MGAT4C: variants seen among roughly 807,000 people sequenced by gnomAD.
MGAT4C encodes alpha-1,3-mannosyl-glycoprotein 4-beta-N-acetylglucosaminyltransferase C.
Under a neutral mutation model 40.1 loss-of-function variants are expected in MGAT4C, and 19 were observed. The observed-to-expected ratio is 0.47, with a 90% CI of 0.33 to 0.70. The LOEUF is 0.70. MGAT4C is among the 30% of genes least tolerant of loss of function. The pLI is 0.02. For missense variants in MGAT4C, 491 were observed against 563.2 expected (o/e 0.87, Z 1.30); for synonymous variants, 181 against 187.1 (o/e 0.97, Z 0.27).
intron 2 of MGAT4C, among the ~76,000 whole-genome samples, chr12:86,499,942 C>T (rs1412034180): frequency 1.3e-5 from 2 of 151,760 alleles, no homozygotes; most frequent in East Asian, 3.9e-4. Context: ...CTTCTTTTTG[C>T]CCATCAAGAG....
At chr12:86,039,989 G>T (rs1004735082) in intron 2 of MGAT4C, among the ~76,000 whole-genome samples, 12 of 152,154 alleles carry the variant, frequency 7.9e-5, no homozygotes, top group African/African-American at 2.9e-4. Context: ...TCCTTCTGCT[G>T]CAGATCTGCT....
chr12:86,753,234 G>A (rs543691142), intron 1 of MGAT4C, among the ~76,000 whole-genome samples: 211 of 152,158 alleles, frequency 1.4e-3, no homozygotes, highest in African/African-American at 4.8e-3. Context: ...ACAGGAATGA[G>A]GGCAAGGAAC....
intron 2 of MGAT4C, among the ~76,000 whole-genome samples, chr12:86,520,603 A>C (rs751801259): frequency 1.3e-5 from 2 of 152,110 alleles, no homozygotes; most frequent in Non-Finnish European, 2.9e-5. Context: ...TAATTGGATT[A>C]CTAAGTGGAA....
chr12:86,028,393 T>G (rs571931782), intron 2 of MGAT4C, among the ~76,000 whole-genome samples: 3 of 152,014 alleles, frequency 2.0e-5, no homozygotes, highest in African/African-American at 7.2e-5. Flanking sequence ...CTCCTATAGG[T>G]AAGAAGTGAT....
intron 1 of MGAT4C, among the ~76,000 whole-genome samples, chr12:86,074,009 G>A (rs959446654): frequency 1.1e-4 from 16 of 152,004 alleles, no homozygotes; most frequent in Non-Finnish European, 2.2e-4. Flanking sequence ...GAATTTTCAT[G>A]TGTCATGGGA....
At chr12:86,285,709 G>C (rs955072771) in intron 4 of MGAT4C, among the ~76,000 whole-genome samples, 1 of 151,886 alleles carries the variant, frequency 6.6e-6, no homozygotes, top group Non-Finnish European at 1.5e-5. Flanking sequence ...TGTCTTTAGA[G>C]ATGTATGTAA....
At chr12:86,305,829 G>T (rs947239560) in intron 4 of MGAT4C, among the ~76,000 whole-genome samples, 6 of 150,314 alleles carry the variant, frequency 4.0e-5, no homozygotes, top group African/African-American at 1.3e-4. Flanking sequence ...TTTTATTGTT[G>T]TTGTTTTTTA....
At position 86,381,834 on chromosome 12, in the gene MGAT4C, C is replaced by T. The variant is rs900920494; in HGVS notation, c.-119-47707G>A. 4.6e-5 allele frequency among the ~76,000 whole-genome samples: 7 copies of T among 152,002 alleles called. 1 individual carries two copies. The highest frequency in any genetic ancestry group is 1.2e-4 in the African/African-American group (5 of 41,368). ...GGGCAGGTCTTTCCTGTGCTGTTCTCGTAATAGTGAATAAGTCTCATGAGA... is the reference window on the plus strand; with the variant it reads ...GGGCAGGTCTTTCCTGTGCTGTTCTTGTAATAGTGAATAAGTCTCATGAGA... On this transcript the variant is annotated intron_variant, in intron 3 of 7. Transcript: ENST00000548651.
intron 3 of MGAT4C, among the ~76,000 whole-genome samples, chr12:86,363,714 C>T (rs1200613558): frequency 6.6e-6 from 1 of 151,612 alleles, no homozygotes; most frequent in East Asian, 1.9e-4. Context: ...ATTGAAAAAC[C>T]TTTTTCCAGA....
intron 3 of MGAT4C, among the ~76,000 whole-genome samples, chr12:86,346,551 A>G (rs1201284605): frequency 6.6e-6 from 1 of 152,104 alleles, no homozygotes; most frequent in Non-Finnish European, 1.5e-5. Context: ...AAGTTAACAA[A>G]CCACAATTTG....
chr12:86,451,604 A>G (rs1018823646), intron 2 of MGAT4C, among the ~76,000 whole-genome samples: 3 of 151,998 alleles, frequency 2.0e-5, no homozygotes, highest in African/African-American at 7.3e-5. Flanking sequence ...AGATTTGAAA[A>G]ATTATTCACA....
intron 4 of MGAT4C, 127 bp downstream of exon 4, chr12:85,983,396 A>G: frequency 2.3e-6 from 2 of 875,938 alleles, no homozygotes; most frequent in East Asian, 3.1e-5. Context: ...GAAACATTGA[A>G]GTTTTGCCCA....
At chr12:86,454,827 A>G (rs1202555751) in intron 2 of MGAT4C, among the ~76,000 whole-genome samples, 2 of 152,056 alleles carry the variant, frequency 1.3e-5, no homozygotes, top group Non-Finnish European at 2.9e-5. Flanking sequence ...CATTCATATG[A>G]AATCTGTGTA....
intron 1 of MGAT4C, among the ~76,000 whole-genome samples, chr12:86,061,974 G>T (rs7301280): frequency 0.56 from 84,516 of 151,972 alleles, 24,316 homozygotes; most frequent in East Asian, 0.92. Context: ...TTCCCTCCCT[G>T]ACAGCTCTGA....
intron 1 of MGAT4C, among the ~76,000 whole-genome samples, chr12:86,219,842 T>G (rs2135983776): frequency 6.6e-6 from 1 of 152,290 alleles, no homozygotes. Context: ...TCATAAGAAC[T>G]TCATGTGACT....
At chr12:86,457,139 A>T (rs2136292068) in intron 2 of MGAT4C, among the ~76,000 whole-genome samples, 1 of 152,190 alleles carries the variant, frequency 6.6e-6, no homozygotes, top group Admixed American at 6.5e-5. Context: ...TTCAGACAAG[A>T]TTTATTTTAT....
At chr12:86,573,155 A>T (rs536007952) in intron 2 of MGAT4C, among the ~76,000 whole-genome samples, 1 of 152,144 alleles carries the variant, frequency 6.6e-6, no homozygotes, top group Non-Finnish European at 1.5e-5. Context: ...GATTGTTGAA[A>T]TGTATAAAGA....
intron 2 of MGAT4C, among the ~76,000 whole-genome samples, chr12:86,574,854 T>C (rs146569922): frequency 6.5e-4 from 98 of 151,926 alleles, no homozygotes; most frequent in Non-Finnish European, 8.3e-4. Flanking sequence ...ATATGCATGA[T>C]ATTAACCCCC....
At chr12:86,353,292 C>T (rs61950737) in intron 3 of MGAT4C, among the ~76,000 whole-genome samples, 10,476 of 152,024 alleles carry the variant, frequency 0.069, 439 homozygotes, top group Non-Finnish European at 0.096. Context: ...CACTCTCTTC[C>T]GCTGAATAAA....
Sources: allele counts gnomAD v4.1 joint callset (sites outside exome capture counted in the v4.1 genomes callset), GRCh38; gene constraint gnomAD v4.1.1; transcripts MANE v1.5; gene names NCBI Gene and HGNC (gene_info 2026-07-23, HGNC 2026-07-21).